FLG: variants seen among roughly 807,000 people sequenced by gnomAD.
FLG encodes epidermal filaggrin.
FLG carries 6 observed loss-of-function variants against 3.8 expected under a neutral mutation model. The observed-to-expected ratio is 1.60, with a 90% confidence interval of 0.87 to 3.15. The LOEUF (loss-of-function observed/expected upper bound fraction) is 3.15. Among genes scored for constraint, FLG ranks in the 30% most tolerant of loss-of-function variants. The probability of loss-of-function intolerance (pLI) is 0.00; values close to 1 mark genes in which losing one functional copy is unlikely to be tolerated. For synonymous variants in FLG, 2,551 were observed against 1,931.6 expected (o/e 1.32, Z -8.41); for missense variants, 7,595 against 5,050.9 (o/e 1.50, Z -15.27).
chr1:152,309,910 T>C lies in FLG; in HGVS notation c.4976A>G (p.Glu1659Gly). The change falls in exon 3 of 3, where the codon GAG becomes GGG. Residue 1659 changes from glutamate to glycine, a missense_variant. Physicochemically the swap from Glu to Gly is moderately conservative, Grantham distance 98. Coordinates refer to ENST00000368799, the MANE Select transcript of FLG (RefSeq NM_002016.2). ...TGCAGCCTGTCCACCAGAGGAAGTCTCTGCATGACGAGTGCCTGATTGTCT... is the reference window on the plus strand; with the variant it reads ...TGCAGCCTGTCCACCAGAGGAAGTCCCTGCATGACGAGTGCCTGATTGTCT... ...SSRQSGTRHAETSSGGQAASS... is the reference protein window; with the variant it reads ...SSRQSGTRHAGTSSGGQAASS... The C allele has an allele frequency of 6.2e-7, 1 of 1,614,114 alleles. No homozygotes were observed. Among genetic ancestry groups the C allele is most frequent in the Non-Finnish European group, 8.5e-7 (1 of 1,180,014 alleles).
At position 152,309,494 on chromosome 1, in the gene FLG, G is replaced by C. The variant is rs149105551; in HGVS notation, c.5392C>G (p.Arg1798Gly). 77 of 1,613,748 alleles carry C rather than the reference G, an allele frequency of 4.8e-5. No homozygotes were observed. In the African/African-American group the frequency reaches 9.1e-4, roughly 19 times the overall value. The change falls in exon 3 of 3, where the codon CGA becomes GGA. Residue 1798 changes from arginine to glycine, a missense_variant. Arg to Gly is a moderately radical substitution (Grantham distance 125, BLOSUM62 -2). Coordinates refer to ENST00000368799, the MANE Select transcript of FLG (RefSeq NM_002016.2). ...GACGCTGAGTGCCTGGAGCTGTCTC[G>C]TGCCTGCTCGTGGCGGGATCTTTGT... ...GRQRSRHEQA[R>G]DSSRHSASQE...
Position 152,304,965 on chromosome 1 carries a change from C to T in FLG, c.9921G>A (p.Gln3307=), listed in dbSNP as rs370617073. Residue 3307 remains glutamine (Q), a synonymous_variant, in exon 3 of 3, where the codon CAG becomes CAA. Transcript: ENST00000368799. ...AGTGTCTGGAGCTGTCTGCTGACTGCTGGTGGCGGGATCCGTGTCTCTCTC... is the reference window on the plus strand; with the variant it reads ...AGTGTCTGGAGCTGTCTGCTGACTGTTGGTGGCGGGATCCGTGTCTCTCTC... ...SPGERHGSRH[Q]QSADSSRHSG... The T allele has an allele frequency of 1.2e-6, 2 of 1,613,732 alleles. No homozygotes were observed. The highest frequency in any genetic ancestry group is 8.5e-7 in the Non-Finnish European group (1 of 1,179,934).
chr1:152,308,947 C>A lies in FLG; in HGVS notation c.5939G>T (p.Arg1980Leu). The change falls in exon 3 of 3, where the codon CGT becomes CTT. Residue 1980 changes from arginine to leucine, a missense_variant. Transcript: ENST00000368799. ...TCCACGAGAGGAAGACTCTGTGTGACGAGTGCCTGATTGTCTGGAGCTGTC... is the reference window on the plus strand; with the variant it reads ...TCCACGAGAGGAAGACTCTGTGTGAAGAGTGCCTGATTGTCTGGAGCTGTC... Reference protein sequence around the residue: ...SADSSRQSGTRHTESSSRGQA... With the variant: ...SADSSRQSGTLHTESSSRGQA... 1.9e-6 allele frequency: 3 copies of A among 1,613,972 alleles called. No homozygotes were observed. Among genetic ancestry groups the A allele is most frequent in the Non-Finnish European group, 1.7e-6 (2 of 1,180,002 alleles).
chr1:152,308,943 G>T lies in FLG; in HGVS notation c.5943C>A (p.His1981Gln). The T allele has an allele frequency of 6.2e-7, 1 of 1,614,154 alleles. No homozygotes were observed. Among genetic ancestry groups the T allele is most frequent in the Non-Finnish European group, 8.5e-7 (1 of 1,180,000 alleles). ...ADSSRQSGTR[H>Q]TESSSRGQAA... is the part of the protein sequence containing the mutation. ...CCTGTCCACGAGAGGAAGACTCTGT[G>T]TGACGAGTGCCTGATTGTCTGGAGC... The change falls in exon 3 of 3, where the codon CAC (histidine) becomes CAA (glutamine). Residue 1981 changes from histidine (H) to glutamine (Q), a missense_variant. Physicochemically the swap from His to Gln is conservative, Grantham distance 24. Transcript: ENST00000368799.
At chr1:152,317,088 G>A (rs1652811965) in intron 1 of FLG, among the ~76,000 whole-genome samples, 1 of 152,002 alleles carries the variant, frequency 6.6e-6, no homozygotes, top group Non-Finnish European at 1.5e-5. Flanking sequence ...CCTTTACTTT[G>A]GCACTGAGCC....
rs776205622 is a variant in FLG at position 152,309,450 on chromosome 1, G to C, written c.5436C>G (p.Thr1812=). Residue 1812 remains threonine, a synonymous_variant, in exon 3 of 3, where the codon ACC becomes ACG. Coordinates refer to ENST00000368799, the MANE Select transcript of FLG (RefSeq NM_002016.2). ...RHSASQEGQD[T]IRGHPGSSRG... Reference sequence around the variant, plus strand: ...TGCTTGACCCTGGGTGTCCACGAATGGTGTCCTGACCCTCTTGGGACGCTG... The same window carrying C: ...TGCTTGACCCTGGGTGTCCACGAATCGTGTCCTGACCCTCTTGGGACGCTG... 2.5e-6 allele frequency: 4 copies of C among 1,613,316 alleles called. No individual in the cohort carries two copies. Among genetic ancestry groups the C allele is most frequent in the Admixed American group, 1.7e-5 (1 of 59,726 alleles).
rs146529178 is a variant in FLG, at chr1:152,307,757, C to T, written c.7129G>A (p.Asp2377Asn). The change falls in exon 3 of 3, where the codon GAC becomes AAC. Residue 2377 changes from aspartate (D) to asparagine (N), a missense_variant. Transcript: ENST00000368799. ...QASDSEGHSEDSDTQSVSAHG... is the reference protein window; with the variant it reads ...QASDSEGHSENSDTQSVSAHG... ...GCTGACACTGACTGTGTGTCTGAGTCTTCTGAATGTCCCTCACTGTCACTG... is the reference window on the plus strand; with the variant it reads ...GCTGACACTGACTGTGTGTCTGAGTTTTCTGAATGTCCCTCACTGTCACTG... 7.3e-5 allele frequency: 118 copies of T among 1,613,286 alleles called. No individual in the cohort carries two copies. In the African/African-American group the frequency reaches 1.3e-3, roughly 18 times the overall value.
Position 152,303,441 on chromosome 1 carries a change from A to G in FLG, c.11445T>C (p.Asn3815=), listed in dbSNP as rs1651725162. Reference sequence around the variant, plus strand: ...TGGAGCCGTCTCCTGACTGTTCCTCATTACGTGTTTCTCTGCTTGCACTTC... The same window carrying G: ...TGGAGCCGTCTCCTGACTGTTCCTCGTTACGTGTTTCTCTGCTTGCACTTC... The part of the protein sequence containing the change: ...GSRSASRETR[N]EEQSGDGSRH... The change falls in exon 3 of 3, where the codon AAT becomes AAC. Residue 3815 remains asparagine, a synonymous_variant. Transcript: ENST00000368799. 2 of 1,613,268 alleles carry G rather than the reference A, an allele frequency of 1.2e-6. No homozygotes were observed. Among genetic ancestry groups the G allele is most frequent in the Admixed American group, 1.7e-5 (1 of 59,942 alleles).
chr1:152,318,320 T>G, intron 1 of FLG, among the ~76,000 whole-genome samples: 1 of 151,934 alleles, frequency 6.6e-6, no homozygotes, highest in East Asian at 1.9e-4. Context: ...TCCAAGTTGT[T>G]GAATACAGTG....
rs1174353063 is a variant in FLG, at chr1:152,313,264, T to G, written c.1622A>C (p.His541Pro). The change falls in exon 3 of 3, where the codon CAC (histidine) becomes CCC (proline). Residue 541 changes from histidine to proline, a missense_variant. Transcript: ENST00000368799. ...HHEQSVNRSG[H>P]SGSHHSHTTS... ...GGTGTGGCTGTGATGGGAACCTGAGTGTCCAGACCTATTTACCGATTGCTC... is the reference window on the plus strand; with the variant it reads ...GGTGTGGCTGTGATGGGAACCTGAGGGTCCAGACCTATTTACCGATTGCTC... The G allele has an allele frequency of 6.2e-7, 1 of 1,613,792 alleles. No homozygotes were observed.
chr1:152,313,034 C>T lies in FLG; in HGVS notation c.1852G>A (p.Gly618Arg), dbSNP rs767972222. Residue 618 changes from glycine to arginine, a missense_variant, in exon 3 of 3, where the codon GGA becomes AGA. Gly to Arg is a moderately radical substitution (Grantham distance 125). Transcript: ENST00000368799. ...TCACTGTCCTGGCTAACACTGGATCCCTGGTTCCTACTTGTCCTGGGCCCC... is the reference window on the plus strand; with the variant it reads ...TCACTGTCCTGGCTAACACTGGATCTCTGGTTCCTACTTGTCCTGGGCCCC... Reference protein sequence around the residue: ...SSGPRTSRNQGSSVSQDSDSQ... With the variant: ...SSGPRTSRNQRSSVSQDSDSQ... 6.2e-7 allele frequency: 1 copy of T among 1,614,010 alleles called. No homozygotes were observed. Among genetic ancestry groups the T allele is most frequent in the Admixed American group, 1.7e-5 (1 of 60,012 alleles).
rs1377992469 is a variant in FLG at position 152,314,167 on chromosome 1, T to C, written c.719A>G (p.Gln240Arg). 3 of 1,614,220 alleles carry C rather than the reference T, an allele frequency of 1.9e-6. No homozygotes were observed. The highest frequency in any genetic ancestry group is 2.5e-6 in the Non-Finnish European group (3 of 1,180,030). The change falls in exon 3 of 3, where the codon CAG (glutamine) becomes CGG (arginine). Residue 240 changes from glutamine (Q) to arginine (R), a missense_variant. Physicochemically the swap from Gln to Arg is conservative, Grantham distance 43 (BLOSUM62 1). Coordinates refer to ENST00000368799, the MANE Select transcript of FLG (RefSeq NM_002016.2). ...ATCAGTGGTGTCATAGGCTTCATCC[T>C]GGATTGTGTAATATGTGGCAATATG... ...SGHIATYYTIQDEAYDTTDSL... is the reference protein window; with the variant it reads ...SGHIATYYTIRDEAYDTTDSL...
At position 152,310,993 on chromosome 1, in the gene FLG, GA is replaced by G. The variant is rs1553213136; in HGVS notation, c.3892del (p.Ser1298LeufsTer148). 5 of 1,613,786 alleles carry G rather than the reference GA, an allele frequency of 3.1e-6. No individual in the cohort carries two copies. Among genetic ancestry groups the G allele is most frequent in the Non-Finnish European group, 4.2e-6 (5 of 1,179,976 alleles). On this transcript the variant is annotated frameshift_variant, in exon 3 of 3. Coordinates refer to ENST00000368799, the MANE Select transcript of FLG (RefSeq NM_002016.2). LOFTEE classifies it low-confidence loss of function (END_TRUNC). ...GGAGCCATCTCTTGACTGCTCCCGA[GA>G]AGATCCATGATGGTTTCTGGAAGCA... The part of the protein sequence containing the change: ...GSASRNHHGS[S>X]REQSRDGSRH...
At position 152,311,018 on chromosome 1, in the gene FLG, C is replaced by G. The variant is rs756729798; in HGVS notation, c.3868G>C (p.Ala1290Pro). ...SDDSERLSGSASRNHHGSSRE... is the reference protein window; with the variant it reads ...SDDSERLSGSPSRNHHGSSRE... ...GAAGATCCATGATGGTTTCTGGAAGCAGACCCAGACAACCTCTCGGAGTCG... is the reference window on the plus strand; with the variant it reads ...GAAGATCCATGATGGTTTCTGGAAGGAGACCCAGACAACCTCTCGGAGTCG... Residue 1290 changes from alanine to proline, a missense_variant, in exon 3 of 3, where the codon GCT becomes CCT. Physicochemically the swap from Ala to Pro is conservative, Grantham distance 27. Transcript: ENST00000368799. The G allele has an allele frequency of 1.4e-5, 23 of 1,613,774 alleles. No individual in the cohort carries two copies. The highest frequency in any genetic ancestry group is 2.2e-5 in the South Asian group (2 of 91,036).
Position 152,308,321 on chromosome 1 carries a change from C to T in FLG, c.6565G>A (p.Ala2189Thr). Residue 2189 changes from alanine (A) to threonine (T), a missense_variant, in exon 3 of 3, where the codon GCA (alanine) becomes ACA (threonine). By Grantham distance (58) the Ala-to-Thr change is moderately conservative. Transcript: ENST00000368799. ...TCCTTGTCATATGTTTTTCTGCTTGCACTTCTGGATCCTGACTGCCCACGG... is the reference window on the plus strand; with the variant it reads ...TCCTTGTCATATGTTTTTCTGCTTGTACTTCTGGATCCTGACTGCCCACGG... ...ASRGQSGSRS[A>T]SRKTYDKEQS... The T allele has an allele frequency of 1.1e-5, 18 of 1,613,724 alleles. No individual in the cohort carries two copies. Among genetic ancestry groups the T allele is most frequent in the Non-Finnish European group, 1.4e-5 (16 of 1,179,802 alleles).
chr1:152,303,735 A>G lies in FLG; in HGVS notation c.11151T>C (p.His3717=), dbSNP rs1651747055. ...SGSFLYQVST[H]EQSESAHGRA... ...GTCCATGGGCAGACTCAGACTGTTC[A>G]TGAGTGCTCACCTGGTAGAGGAAAG... is the stretch of plus-strand genomic sequence containing the variant. Residue 3717 remains histidine (H), a synonymous_variant, in exon 3 of 3, where the codon CAT becomes CAC. Transcript: ENST00000368799. 1.2e-6 allele frequency: 2 copies of G among 1,613,744 alleles called. No individual in the cohort carries two copies. Among genetic ancestry groups the G allele is most frequent in the Non-Finnish European group, 1.7e-6 (2 of 1,179,892 alleles).
In FLG at chr1:152,311,872, G is replaced by T; in HGVS notation, c.3014C>A (p.Ser1005Ter). Reference sequence around the variant, plus strand: ...GGAAGTCTCTGCGTGAGGAGTTCCTGATTGTCTGGAGCTGTCTGCAGAGTG... The same window carrying T: ...GGAAGTCTCTGCGTGAGGAGTTCCTTATTGTCTGGAGCTGTCTGCAGAGTG... ...HGHSADSSRQ[S>*]GTPHAETSSG... Residue 1005 changes from serine (S) to a stop codon, truncating the protein, a stop_gained, in exon 3 of 3, where the codon TCA becomes TAA. Coordinates refer to ENST00000368799, the MANE Select transcript of FLG (RefSeq NM_002016.2). LOFTEE classifies it low-confidence loss of function (END_TRUNC). 1 of 1,614,156 alleles carries T rather than the reference G, an allele frequency of 6.2e-7. No individual in the cohort carries two copies. Among genetic ancestry groups the T allele is most frequent in the South Asian group, 1.1e-5 (1 of 91,068 alleles).
In FLG at chr1:152,307,798, G is replaced by T. The variant is rs151254510; in HGVS notation, c.7088C>A (p.Ser2363Tyr). ...SAVRDSGHRGSSGSQASDSEG... is the reference protein window; with the variant it reads ...SAVRDSGHRGYSGSQASDSEG... ...ACTGTCACTGGCCTGACTACCACTG[G>T]ACCCTCGGTGTCCACTGTCTCTGAC... Residue 2363 changes from serine (S) to tyrosine (Y), a missense_variant, in exon 3 of 3, where the codon TCC becomes TAC. Coordinates refer to ENST00000368799, the MANE Select transcript of FLG (RefSeq NM_002016.2). The T allele has an allele frequency of 9.8e-4, 1,573 of 1,612,644 alleles. 7 individuals are homozygous for T. The highest frequency in any genetic ancestry group is 2.5e-3 in the South Asian group (230 of 90,974).
At chr1:152,317,708 T>C (rs536978415) in intron 1 of FLG, among the ~76,000 whole-genome samples, 3 of 152,180 alleles carry the variant, frequency 2.0e-5, no homozygotes, top group African/African-American at 7.2e-5. Context: ...ACTCACAAGT[T>C]TATACCCCCA....
Sources: allele counts gnomAD v4.1 joint callset (sites outside exome capture counted in the v4.1 genomes callset), GRCh38; gene constraint gnomAD v4.1.1; transcripts MANE v1.5; gene names NCBI Gene and HGNC (gene_info 2026-07-23, HGNC 2026-07-21).